The following CAST variants were observed in gnomAD, a reference collection of about 807,000 sequenced individuals.
CAST encodes MIR583 host.
Under a neutral mutation model 119.6 loss-of-function variants are expected in CAST, and 76 were observed. The observed-to-expected ratio is 0.64, with a 90% CI of 0.53 to 0.77. The LOEUF (loss-of-function observed/expected upper bound fraction) is 0.77, where lower values mean the gene tolerates loss of function less well. Ranked by LOEUF, CAST falls within the 30% of genes least tolerant of loss-of-function variation. The probability of loss-of-function intolerance (pLI) is 0.00; values close to 1 mark genes in which losing one functional copy is unlikely to be tolerated. For synonymous variants in CAST, 319 were observed against 331.6 expected (o/e 0.96, Z 0.41); for missense variants, 953 against 946.5 (o/e 1.01, Z -0.09).
chr5:96,327,583 G>A, the CAST span, among the ~76,000 whole-genome samples: 3 of 152,158 alleles, frequency 2.0e-5, no homozygotes, highest in African/African-American at 7.2e-5. Context: ...ACACTCAGTG[G>A]AATAATGGGC....
the CAST span, among the ~76,000 whole-genome samples, chr5:95,987,019 T>C: frequency 6.6e-6 from 1 of 151,984 alleles, no homozygotes; most frequent in South Asian, 2.1e-4. Flanking sequence ...CCTCTAGAAA[T>C]AGTGAAGTAC....
the CAST span, among the ~76,000 whole-genome samples, chr5:96,401,109 A>AAG: frequency 6.6e-6 from 1 of 150,722 alleles, no homozygotes; most frequent in African/African-American, 2.4e-5. Context: ...AAAAAAAAAA[A>AAG]AAAGAAGTTT....
the CAST span, among the ~76,000 whole-genome samples, chr5:96,035,178 TATATATATAAAATAA>T: frequency 1.5e-5 from 2 of 135,152 alleles, no homozygotes; most frequent in Admixed American, 1.6e-4. Context: ...TATTTTGAAG[TATATATATAAAATAA>T]GTATATATAA....
chr5:96,420,488 G>A, the CAST span, among the ~76,000 whole-genome samples: 1 of 152,144 alleles, frequency 6.6e-6, no homozygotes, highest in Non-Finnish European at 1.5e-5. Flanking sequence ...GATATTTGCG[G>A]TTAACCCCTT....
chr5:96,706,928 A>G (rs1461334393), intron 3 of CAST, among the ~76,000 whole-genome samples: 3 of 152,202 alleles, frequency 2.0e-5, no homozygotes, highest in Admixed American at 2.0e-4. Flanking sequence ...TGGAGCCGCC[A>G]CAGCTGATTG....
the CAST span, among the ~76,000 whole-genome samples, chr5:96,454,759 T>C: frequency 3.1e-4 from 47 of 152,368 alleles, no homozygotes; most frequent in Non-Finnish European, 4.9e-4. Context: ...CTCATTGATC[T>C]CTGAATTAAG....
chr5:96,534,739 G>GAGAAAGAGAAAGAA (rs1745758056), intron 1 of CAST, among the ~76,000 whole-genome samples: 5 of 22,720 alleles, frequency 2.2e-4, no homozygotes, highest in African/African-American at 6.9e-4. Flanking sequence ...GAGAGAGAGA[G>GAGAAAGAGAAAGAA]AGAAAGAAAG....
At chr5:96,669,507 A>G (rs757944828) in intron 1 of CAST, among the ~76,000 whole-genome samples, 7 of 152,230 alleles carry the variant, frequency 4.6e-5, no homozygotes, top group Non-Finnish European at 1.0e-4. Context: ...GTGATTAGGA[A>G]GGCAAGATGT....
the CAST span, among the ~76,000 whole-genome samples, chr5:96,503,447 A>T: frequency 0.01 from 1,595 of 152,212 alleles, 32 homozygotes; most frequent in African/African-American, 0.037. Context: ...TTTCTCTGGG[A>T]AATTGAATGC....
chr5:96,411,239 T>C, the CAST span, among the ~76,000 whole-genome samples: 4 of 152,390 alleles, frequency 2.6e-5, no homozygotes, highest in African/African-American at 9.6e-5. Context: ...TTCTTTCTTA[T>C]GCAGATTCAT....
the CAST span, among the ~76,000 whole-genome samples, chr5:96,111,617 A>C: frequency 6.6e-6 from 1 of 152,200 alleles, no homozygotes; most frequent in South Asian, 2.1e-4. Flanking sequence ...TGCTGCTTTC[A>C]CTTCTATTAC....
chr5:96,491,524 A>AAT, the CAST span, among the ~76,000 whole-genome samples: 2 of 143,784 alleles, frequency 1.4e-5, no homozygotes, highest in African/African-American at 5.2e-5. Flanking sequence ...AAAAAAAAAA[A>AAT]ATTAAAAAGA....
chr5:96,223,048 T>C, the CAST span, among the ~76,000 whole-genome samples: 9 of 152,048 alleles, frequency 5.9e-5, no homozygotes, highest in East Asian at 7.7e-4. Context: ...ATATCACTCA[T>C]ATGTGGAAGC....
At chr5:96,732,376 T>G (rs1760738647) in intron 9 of CAST, among the ~76,000 whole-genome samples, 2 of 123,654 alleles carry the variant, frequency 1.6e-5, no homozygotes, top group South Asian at 6.1e-4. Context: ...TAAATTTGTT[T>G]GAGTTCATTG....
the CAST span, among the ~76,000 whole-genome samples, chr5:96,399,656 G>C: frequency 6.6e-6 from 1 of 152,152 alleles, no homozygotes; most frequent in African/African-American, 2.4e-5. Context: ...AATTTAGAAT[G>C]AATCTTAAAA....
the CAST span, among the ~76,000 whole-genome samples, chr5:96,118,993 C>G: frequency 6.6e-6 from 1 of 152,014 alleles, no homozygotes; most frequent in African/African-American, 2.4e-5. Context: ...AGGGTACTTC[C>G]GTATCTTCAT....
intron 4 of CAST, among the ~76,000 whole-genome samples, chr5:96,724,659 C>T (rs1758920486): frequency 1.3e-5 from 2 of 151,380 alleles, no homozygotes; most frequent in Non-Finnish European, 2.9e-5. Flanking sequence ...AGCGAGATCC[C>T]GTGTCTACAA....
At chr5:96,463,292 G>A in the CAST span, among the ~76,000 whole-genome samples, 4 of 152,138 alleles carry the variant, frequency 2.6e-5, no homozygotes, top group East Asian at 1.9e-4. Context: ...GAATTAGGGC[G>A]GATTTGGAAA....
At chr5:96,750,238 G>C (rs1180964625) in intron 19 of CAST, among the ~76,000 whole-genome samples, 1 of 152,134 alleles carries the variant, frequency 6.6e-6, no homozygotes, top group African/African-American at 2.4e-5. Flanking sequence ...TGAGCTAACT[G>C]TGTTCCCAGG....
Sources: gnomAD v4.1 joint callset for allele counts (sites outside exome capture counted in the v4.1 genomes callset) on GRCh38, gnomAD v4.1.1 for gene constraint, MANE v1.5 for transcripts, NCBI Gene and HGNC (gene_info 2026-07-23, HGNC 2026-07-21) for gene names.